GAL3ST3: variants seen among roughly 807,000 people sequenced by gnomAD.
GAL3ST3 encodes the protein beta-galactose-3-O-sulfotransferase 3.
In GAL3ST3, 21 loss-of-function variants were observed where a neutral mutation model predicts 20.8. The ratio of observed to expected loss-of-function variants is 1.01; its 90% confidence interval spans 0.72 to 1.45. The LOEUF is 1.45. Among genes scored for constraint, GAL3ST3 ranks in the 40% most tolerant of loss-of-function variants. The pLI, the probability that GAL3ST3 is intolerant of heterozygous loss-of-function variation, is 0.00. For missense variants in GAL3ST3, 739 were observed against 662.7 expected (o/e 1.12, Z -1.26); for synonymous variants, 355 against 307.2 (o/e 1.16, Z -1.63).
chr11:66,046,227 C>G (rs1358943229), intron 1 of GAL3ST3, among the ~76,000 whole-genome samples: 1 of 152,156 alleles, frequency 6.6e-6, no homozygotes, highest in African/African-American at 2.4e-5. Flanking sequence ...AAGTCCATGC[C>G]CTTAGACACT....
chr11:66,043,114 T>G lies in GAL3ST3; in HGVS notation c.689A>C (p.Gln230Pro), dbSNP rs776809746. 5.6e-6 allele frequency: 9 copies of G among 1,611,584 alleles called. No homozygotes were observed. The highest frequency in any genetic ancestry group is 7.6e-6 in the Non-Finnish European group (9 of 1,179,268). The change falls in exon 3 of 3, where the codon CAG (glutamine) becomes CCG (proline). Residue 230 changes from glutamine (Q) to proline (P), a missense_variant. Physicochemically the swap from Gln to Pro is moderately conservative, Grantham distance 76. Transcript: ENST00000312006. ...GACGAGCGAGAAAACCTCCTCCACC[T>G]GGCGGATGAGGCCCGCCAGGTAGGC... ...DAAYLAGLIRQVEEVFSLVMI... is the reference protein window; with the variant it reads ...DAAYLAGLIRPVEEVFSLVMI...
chr11:66,043,458 G>A lies in GAL3ST3; in HGVS notation c.345C>T (p.Phe115=). ...GCGGCGGCCGCGTGGCCGGGTGCAC[G>A]AAGTGCGCCGAGAAGTTGCGGGGGT... ...FCYPRNFSAH[F]VHPATRPPHV... is the part of the protein sequence containing the mutation. Residue 115 remains phenylalanine, a synonymous_variant, in exon 3 of 3, where the codon TTC becomes TTT. Transcript: ENST00000312006. 2.5e-6 allele frequency: 4 copies of A among 1,609,854 alleles called. No individual in the cohort carries two copies. The highest frequency in any genetic ancestry group is 3.4e-6 in the Non-Finnish European group (4 of 1,178,764).
At position 66,041,277 on chromosome 11, in the gene GAL3ST3, A is replaced by G. The variant is rs1856700161; in HGVS notation, c.*1230T>C. The stretch of plus-strand genomic sequence containing the variant: ...TTAAACAGTGGCTGGCACACCGTAG[A>G]CCATAATAGCTATTGTTTTTTATCA... On this transcript the variant is annotated 3_prime_UTR_variant, in exon 3 of 3. Transcript: ENST00000312006. 1.3e-5 allele frequency among the ~76,000 whole-genome samples: 2 copies of G among 152,186 alleles called. No homozygotes were observed. The highest frequency in any genetic ancestry group is 4.1e-4 in the South Asian group (2 of 4,828).
At position 66,043,687 on chromosome 11, in the gene GAL3ST3, C is replaced by T; in HGVS notation, c.126-10G>A. Reference sequence around the variant, plus strand: ...GAACAGCTTGGGGTACCTGCCAGGCCCAGGGAGTGTGCGGAGAGGAGGGTG... The same window carrying T: ...GAACAGCTTGGGGTACCTGCCAGGCTCAGGGAGTGTGCGGAGAGGAGGGTG... On this transcript the variant is annotated splice_polypyrimidine_tract_variant and intron_variant, in intron 2 of 2. Coordinates refer to ENST00000312006, the MANE Select transcript of GAL3ST3 (RefSeq NM_033036.3). 11 of 1,591,728 alleles carry T rather than the reference C, an allele frequency of 6.9e-6. No individual in the cohort carries two copies. Among genetic ancestry groups the T allele is most frequent in the Non-Finnish European group, 9.4e-6 (11 of 1,166,750 alleles).
chr11:66,042,152 A>C lies in GAL3ST3; in HGVS notation c.*355T>G. 1 of 195,704 alleles carries C rather than the reference A, an allele frequency of 5.1e-6. No homozygotes were observed. Among genetic ancestry groups the C allele is most frequent in the Non-Finnish European group, 1.0e-5 (1 of 96,882 alleles). The allele number at this position is 195,704 out of a possible 1,614,324, so 12.1% of individuals were successfully genotyped here. ...TTTCCCTAGGGCTGAGCCTCTCTCCATGGGGCCTGGGCTTATCCACTTGGA... is the reference window on the plus strand; with the variant it reads ...TTTCCCTAGGGCTGAGCCTCTCTCCCTGGGGCCTGGGCTTATCCACTTGGA... On this transcript the variant is annotated 3_prime_UTR_variant, in exon 3 of 3. Coordinates refer to ENST00000312006, the MANE Select transcript of GAL3ST3 (RefSeq NM_033036.3).
chr11:66,045,278 C>G lies in GAL3ST3; in HGVS notation c.125+13G>C. On this transcript the variant is annotated intron_variant, in intron 2 of 2. Coordinates refer to ENST00000312006, the MANE Select transcript of GAL3ST3 (RefSeq NM_033036.3). ...AGGGGAGCTCCGGCCCCCCTGGGGC[C>G]CCGCCCCCTTACCAGCTGAGCTGCG... 4 of 1,528,938 alleles carry G rather than the reference C, an allele frequency of 2.6e-6. No individual in the cohort carries two copies. The highest frequency in any genetic ancestry group is 3.5e-6 in the Non-Finnish European group (4 of 1,137,080). 94.7% of individuals were successfully genotyped at this position (1,528,938 alleles called of 1,614,324 possible).
Position 66,043,293 on chromosome 11 carries a change from C to G in GAL3ST3, c.510G>C (p.Pro170=). 1.6e-5 allele frequency: 26 copies of G among 1,612,070 alleles called. No homozygotes were observed. The highest frequency in any genetic ancestry group is 2.2e-5 in the Non-Finnish European group (26 of 1,179,106). The change falls in exon 3 of 3, where the codon CCG becomes CCC. Residue 170 remains proline, a synonymous_variant. Coordinates refer to ENST00000312006, the MANE Select transcript of GAL3ST3 (RefSeq NM_033036.3). The part of the protein sequence containing the change: ...SLFSYYNQYC[P]AFRRVPNASL... Reference sequence around the variant, plus strand: ...AGGCGTTGGGTACGCGCCGGAAGGCCGGGCAGTACTGGTTGTAGTAGCTGA... The same window carrying G: ...AGGCGTTGGGTACGCGCCGGAAGGCGGGGCAGTACTGGTTGTAGTAGCTGA...
Position 66,043,214 on chromosome 11 carries a change from A to G in GAL3ST3, c.589T>C (p.Phe197Leu). 1 of 1,612,370 alleles carries G rather than the reference A, an allele frequency of 6.2e-7. No individual in the cohort carries two copies. Among genetic ancestry groups the G allele is most frequent in the African/African-American group, 1.3e-5 (1 of 75,020 alleles). ...AGCGTGTTGTGTGCGAACATGGCGA[A>G]GTGCTCGCCAGCGCGGTAGTATGCC... Reference protein sequence around the residue: ...PEAYYRAGEHFAMFAHNTLAY... With the variant: ...PEAYYRAGEHLAMFAHNTLAY... Residue 197 changes from phenylalanine to leucine, a missense_variant, in exon 3 of 3, where the codon TTC becomes CTC. By Grantham distance (22) the Phe-to-Leu change is conservative. Transcript: ENST00000312006.
chr11:66,045,275 G>C lies in GAL3ST3; in HGVS notation c.125+16C>G. The stretch of plus-strand genomic sequence containing the variant: ...GGGAGGGGAGCTCCGGCCCCCCTGG[G>C]GCCCCGCCCCCTTACCAGCTGAGCT... On this transcript the variant is annotated intron_variant, in intron 2 of 2. Coordinates refer to ENST00000312006, the MANE Select transcript of GAL3ST3 (RefSeq NM_033036.3). The C allele has an allele frequency of 1.3e-6, 2 of 1,521,794 alleles. No homozygotes were observed. The allele number at this position is 1,521,794 out of a possible 1,614,324, so 94.3% of individuals were successfully genotyped here.
rs2577 is a variant in GAL3ST3 at position 66,041,002 on chromosome 11, C to T, written c.*1505G>A. Among the ~76,000 whole-genome samples the T allele has an allele frequency of 6.6e-6, 1 of 152,178 alleles. No homozygotes were observed. Among genetic ancestry groups the T allele is most frequent in the East Asian group, 1.9e-4 (1 of 5,194 alleles). On this transcript the variant is annotated 3_prime_UTR_variant, in exon 3 of 3. Coordinates refer to ENST00000312006, the MANE Select transcript of GAL3ST3 (RefSeq NM_033036.3). Reference sequence around the variant, plus strand: ...GATAAAGAGTTGCTGATAGCAGTGTCCTGGTTCTTCCCTTTACATTCTTTT... The same window carrying T: ...GATAAAGAGTTGCTGATAGCAGTGTTCTGGTTCTTCCCTTTACATTCTTTT...
chr11:66,045,628 G>C, intron 1 of GAL3ST3, 101 bp from the exon 2 acceptor site: 1 of 456,364 alleles, frequency 2.2e-6, no homozygotes, highest in Non-Finnish European at 3.9e-6. Context: ...GGTAAGCAGA[G>C]AGGCCAGGGC....
In GAL3ST3 at chr11:66,042,996, C is replaced by T. The variant is rs1241437115; in HGVS notation, c.807G>A (p.Ala269=). ...CGGCCAGGCGCGAGCTGGCGGCGCG[C>T]GCGTTGAGCTTGGCGTAGAGCACGT... ...LDDVLYAKLN[A]RAASSRLAAI... is the part of the protein sequence containing the mutation. Residue 269 remains alanine, a synonymous_variant, in exon 3 of 3, where the codon GCG becomes GCA. Transcript: ENST00000312006. 1 of 1,600,746 alleles carries T rather than the reference C, an allele frequency of 6.2e-7. No homozygotes were observed. The highest frequency in any genetic ancestry group is 1.1e-5 in the South Asian group (1 of 90,596).
intron 2 of GAL3ST3, among the ~76,000 whole-genome samples, chr11:66,044,631 A>C (rs1856760349): frequency 6.6e-6 from 1 of 152,206 alleles, no homozygotes. Flanking sequence ...TTGGGTGTCC[A>C]CTATGTGCCA....
In GAL3ST3 at chr11:66,042,348, G is replaced by C; in HGVS notation, c.*159C>G. 1 of 592,554 alleles carries C rather than the reference G, an allele frequency of 1.7e-6. No homozygotes were observed. Among genetic ancestry groups the C allele is most frequent in the East Asian group, 3.2e-5 (1 of 31,078 alleles). The allele number at this position is 592,554 out of a possible 1,614,324, so 36.7% of individuals were successfully genotyped here. Reference sequence around the variant, plus strand: ...AAGGCAAGGTTCAGCCCACGATCGGGAGCGGGGGCTCAGATAGGGAGGCGT... The same window carrying C: ...AAGGCAAGGTTCAGCCCACGATCGGCAGCGGGGGCTCAGATAGGGAGGCGT... On this transcript the variant is annotated 3_prime_UTR_variant, in exon 3 of 3. Coordinates refer to ENST00000312006, the MANE Select transcript of GAL3ST3 (RefSeq NM_033036.3).
At chr11:66,048,665 C>A (rs1244031751) in intron 1 of GAL3ST3, among the ~76,000 whole-genome samples, 1 of 145,242 alleles carries the variant, frequency 6.9e-6, no homozygotes, top group Admixed American at 6.9e-5. Context: ...TGCCCCTGGC[C>A]CCCCAGCCTC....
intron 1 of GAL3ST3, among the ~76,000 whole-genome samples, chr11:66,047,159 G>A (rs1340522024): frequency 6.6e-6 from 1 of 152,218 alleles, no homozygotes; most frequent in African/African-American, 2.4e-5. Flanking sequence ...GATTGCTGGG[G>A]CAGAGAAGGG....
chr11:66,046,602 G>A (rs1475995133), intron 1 of GAL3ST3, among the ~76,000 whole-genome samples: 1 of 152,204 alleles, frequency 6.6e-6, no homozygotes, highest in East Asian at 1.9e-4. Flanking sequence ...GAGTAAGAGA[G>A]GGGAGGAGGG....
At chr11:66,045,240 TG>T in intron 2 of GAL3ST3, 50 bp downstream of exon 2, 1 of 1,434,368 alleles carries the variant, frequency 7.0e-7, no homozygotes, top group Non-Finnish European at 9.2e-7. Context: ...TTCTAGCAGG[TG>T]GAAGAATGGG....
chr11:66,046,108 C>G (rs1238438764), intron 1 of GAL3ST3, among the ~76,000 whole-genome samples: 1 of 152,184 alleles, frequency 6.6e-6, no homozygotes, highest in Non-Finnish European at 1.5e-5. Flanking sequence ...GGTATTATTC[C>G]CACTGTATAG....
Sources: allele counts gnomAD v4.1 joint callset (sites outside exome capture counted in the v4.1 genomes callset), GRCh38; gene constraint gnomAD v4.1.1; transcripts MANE v1.5; gene names NCBI Gene and HGNC (gene_info 2026-07-23, HGNC 2026-07-21).